The following QTMAN variants were observed in gnomAD, a reference collection of about 807,000 sequenced individuals.
QTMAN encodes queuosine-tRNA mannosyltransferase.
chr2:144,126,008 C>G, the QTMAN span, among the ~76,000 whole-genome samples: 1 of 151,920 alleles, frequency 6.6e-6, no homozygotes, highest in African/African-American at 2.4e-5. Flanking sequence ...AGAAAGAGAT[C>G]AAGGATAAAT....
At chr2:144,012,366 G>C in the QTMAN span, among the ~76,000 whole-genome samples, 1 of 152,128 alleles carries the variant, frequency 6.6e-6, no homozygotes, top group African/African-American at 2.4e-5. Flanking sequence ...CATATCAGCC[G>C]GGAAAAGACT....
chr2:144,243,833 T>C, the QTMAN span, among the ~76,000 whole-genome samples: 1 of 152,234 alleles, frequency 6.6e-6, no homozygotes, highest in Non-Finnish European at 1.5e-5. Context: ...AGATTGGTAC[T>C]TGACTGGTTT....
the QTMAN span, among the ~76,000 whole-genome samples, chr2:144,192,916 A>G: frequency 1.3e-5 from 2 of 152,174 alleles, no homozygotes; most frequent in African/African-American, 4.8e-5. Context: ...TATGATGTTC[A>G]GCTGTTATTC....
At chr2:144,189,681 G>A in the QTMAN span, among the ~76,000 whole-genome samples, 3 of 151,890 alleles carry the variant, frequency 2.0e-5, no homozygotes, top group African/African-American at 4.8e-5. Context: ...GTCCAGCGGT[G>A]CGATCTCGGC....
At chr2:144,064,273 T>C in the QTMAN span, among the ~76,000 whole-genome samples, 1 of 152,188 alleles carries the variant, frequency 6.6e-6, no homozygotes. Flanking sequence ...GGTGGAAGCA[T>C]TCGATTTCAT....
the QTMAN span, among the ~76,000 whole-genome samples, chr2:143,964,453 T>C: frequency 6.6e-5 from 10 of 152,152 alleles, no homozygotes; most frequent in Non-Finnish European, 1.2e-4. Flanking sequence ...CCACTGTGCC[T>C]GGCCTAATCT....
chr2:144,030,173 A>C, the QTMAN span, among the ~76,000 whole-genome samples: 1 of 152,152 alleles, frequency 6.6e-6, no homozygotes, highest in African/African-American at 2.4e-5. Context: ...TGAAAGTATT[A>C]ATCTTACCAC....
chr2:144,000,478 C>A, the QTMAN span, among the ~76,000 whole-genome samples: 1 of 151,978 alleles, frequency 6.6e-6, no homozygotes, highest in African/African-American at 2.4e-5. Flanking sequence ...ATAATTAGAA[C>A]CTTATTATTT....
the QTMAN span, among the ~76,000 whole-genome samples, chr2:143,978,755 G>T: frequency 6.6e-6 from 1 of 152,178 alleles, no homozygotes; most frequent in Non-Finnish European, 1.5e-5. Context: ...CTCTCTCCAA[G>T]TTCATTATTA....
At chr2:144,035,393 A>C in the QTMAN span, among the ~76,000 whole-genome samples, 1 of 152,194 alleles carries the variant, frequency 6.6e-6, no homozygotes, top group Admixed American at 6.6e-5. Flanking sequence ...CTTCAACAGA[A>C]ATGGTTTTTA....
the QTMAN span, among the ~76,000 whole-genome samples, chr2:144,225,078 G>C: frequency 6.6e-6 from 1 of 152,190 alleles, no homozygotes; most frequent in Non-Finnish European, 1.5e-5. Context: ...TAGAATTCAA[G>C]CTAAAATATT....
At chr2:144,001,507 C>CT in the QTMAN span, among the ~76,000 whole-genome samples, 3 of 151,950 alleles carry the variant, frequency 2.0e-5, no homozygotes, top group South Asian at 6.2e-4. Flanking sequence ...AGTCATTCTA[C>CT]TTTAAGTGAA....
At chr2:144,317,418 G>GAAGGAAGGAAGGAAGT in the QTMAN span, 2 of 151,818 alleles carry the variant, frequency 1.3e-5, no homozygotes, top group East Asian at 3.9e-4. Context: ...AGGAAGGAAG[G>GAAGGAAGGAAGGAAGT]AAGGAAGGAA....
At chr2:143,952,771 A>G in the QTMAN span, 2 of 1,570,100 alleles carry the variant, frequency 1.3e-6, no homozygotes, top group Non-Finnish European at 1.8e-6. Context: ...TAAAGCAGCT[A>G]CCTGGAAATA....
At chr2:144,195,840 A>G in the QTMAN span, among the ~76,000 whole-genome samples, 20 of 152,276 alleles carry the variant, frequency 1.3e-4, no homozygotes, top group African/African-American at 4.6e-4. Context: ...AGACTTGGAA[A>G]AATAATAATA....
chr2:144,213,452 T>C, the QTMAN span, among the ~76,000 whole-genome samples: 1 of 152,222 alleles, frequency 6.6e-6, no homozygotes, highest in Non-Finnish European at 1.5e-5. Context: ...CTGAAACCTA[T>C]AATTAGCTTT....
the QTMAN span, among the ~76,000 whole-genome samples, chr2:144,271,812 C>G: frequency 6.6e-6 from 1 of 152,080 alleles, no homozygotes; most frequent in Non-Finnish European, 1.5e-5. Context: ...GAAAATGAAA[C>G]GAACTATTCC....
chr2:144,300,082 A>G, the QTMAN span, among the ~76,000 whole-genome samples: 12 of 152,210 alleles, frequency 7.9e-5, no homozygotes, highest in African/African-American at 2.9e-4. Context: ...TCATAAAGAC[A>G]AAGTCTGCCA....
chr2:144,239,398 C>A, the QTMAN span, among the ~76,000 whole-genome samples: 294 of 152,246 alleles, frequency 1.9e-3, 1 homozygote, highest in African/African-American at 6.6e-3. Flanking sequence ...CAATTGCCAA[C>A]CTAAGCTAGC....
Sources: allele counts gnomAD v4.1 joint callset (sites outside exome capture counted in the v4.1 genomes callset), GRCh38; gene constraint gnomAD v4.1.1; transcripts MANE v1.5; gene names NCBI Gene and HGNC (gene_info 2026-07-23, HGNC 2026-07-21).